SYT1: variants seen among roughly 807,000 people sequenced by gnomAD.
SYT1 encodes the protein synaptotagmin-1.
In SYT1, 8 loss-of-function variants were observed where a neutral mutation model predicts 44.8. The ratio of observed to expected loss-of-function variants is 0.18; its 90% CI spans 0.10 to 0.32. The LOEUF (loss-of-function observed/expected upper bound fraction) is 0.32. Ranked by LOEUF, SYT1 falls within the 10% of genes least tolerant of loss-of-function variation. The pLI is 1.00. For missense variants in SYT1, 286 were observed against 509.3 expected (o/e 0.56, Z 4.22); for synonymous variants, 154 against 188.8 (o/e 0.82, Z 1.51).
At chr12:79,134,361 C>T (rs776920086) in intron 3 of SYT1, among the ~76,000 whole-genome samples, 1 of 152,118 alleles carries the variant, frequency 6.6e-6, no homozygotes, top group Non-Finnish European at 1.5e-5. Context: ...ATCAAAATTA[C>T]AAGGTAAAAG....
chr12:79,237,779 T>C (rs1876273977), intron 4 of SYT1, among the ~76,000 whole-genome samples: 1 of 152,194 alleles, frequency 6.6e-6, no homozygotes, highest in Admixed American at 6.5e-5. Flanking sequence ...ATTTTCCGAG[T>C]GCTTAGTACA....
At chr12:79,185,701 A>G (rs1872763098) in intron 3 of SYT1, among the ~76,000 whole-genome samples, 1 of 152,094 alleles carries the variant, frequency 6.6e-6, no homozygotes, top group South Asian at 2.1e-4. Flanking sequence ...TAGTATGTAT[A>G]TAGAAGTGAC....
At chr12:79,398,940 A>C (rs1328560010) in intron 9 of SYT1, among the ~76,000 whole-genome samples, 1 of 152,192 alleles carries the variant, frequency 6.6e-6, no homozygotes, top group East Asian at 1.9e-4. Flanking sequence ...CCCTGCTCCA[A>C]GTCACTGTCC....
intron 3 of SYT1, among the ~76,000 whole-genome samples, chr12:79,169,420 A>G (rs1014579078): frequency 6.6e-6 from 1 of 151,812 alleles, no homozygotes; most frequent in Non-Finnish European, 1.5e-5. Context: ...TTAGGCAGGG[A>G]AAAAAGAAAT....
chr12:78,995,181 G>A (rs1012259794), intron 2 of SYT1, among the ~76,000 whole-genome samples: 4 of 152,138 alleles, frequency 2.6e-5, no homozygotes, highest in Non-Finnish European at 4.4e-5. Flanking sequence ...TGAAGCCTGA[G>A]AACCACTAAT....
intron 2 of SYT1, among the ~76,000 whole-genome samples, chr12:79,039,256 C>T (rs1873350536): frequency 6.6e-6 from 1 of 152,042 alleles, no homozygotes. Flanking sequence ...GCTTTACCAA[C>T]TATGAATGTA....
intron 8 of SYT1, among the ~76,000 whole-genome samples, chr12:79,316,297 T>A (rs1359587868): frequency 6.6e-6 from 1 of 152,214 alleles, no homozygotes; most frequent in Non-Finnish European, 1.5e-5. Flanking sequence ...CAGCTCAAGA[T>A]GATGTTTATG....
chr12:79,276,870 G>A (rs1022042843), intron 4 of SYT1, among the ~76,000 whole-genome samples: 1 of 151,088 alleles, frequency 6.6e-6, no homozygotes, highest in Non-Finnish European at 1.5e-5. Context: ...TCCAAGAAAT[G>A]TGGCATTACA....
chr12:79,266,957 T>C (rs1448979767), intron 4 of SYT1, among the ~76,000 whole-genome samples: 1 of 152,192 alleles, frequency 6.6e-6, no homozygotes, highest in African/African-American at 2.4e-5. Flanking sequence ...CTTTCATGAC[T>C]GTAAAGACTC....
rs561661376 is a variant in SYT1, at chr12:79,397,896, A to G, written c.928+44277A>G. 8.5e-5 allele frequency among the ~76,000 whole-genome samples: 13 copies of G among 152,310 alleles called. No homozygotes were observed. The South Asian group carries it at 1.9e-3, about 22-fold the overall frequency. ...CTCTCCACTATCCACTGTAAATTCC[A>G]TATCACTATGCAGAACTGAGGTTCC... On this transcript the variant is annotated intron_variant, in intron 9 of 10. Transcript: ENST00000261205.
chr12:79,295,248 C>T (rs1366466416), intron 6 of SYT1, among the ~76,000 whole-genome samples: 1 of 152,092 alleles, frequency 6.6e-6, no homozygotes, highest in East Asian at 1.9e-4. Context: ...TCTACTCACA[C>T]CTCTTTTTTT....
chr12:79,279,765 C>T (rs1327872263), intron 4 of SYT1, among the ~76,000 whole-genome samples: 1 of 151,938 alleles, frequency 6.6e-6, no homozygotes, highest in African/African-American at 2.4e-5. Context: ...CCCAAAGACT[C>T]CTAGATTTGA....
At chr12:79,125,518 G>T (rs1868382096) in intron 3 of SYT1, among the ~76,000 whole-genome samples, 1 of 150,790 alleles carries the variant, frequency 6.6e-6, no homozygotes, top group African/African-American at 2.4e-5. Context: ...ATGGGAGGTG[G>T]CTGAGGTGGG....
chr12:79,346,253 A>G (rs1446087892), intron 8 of SYT1, among the ~76,000 whole-genome samples: 2 of 152,178 alleles, frequency 1.3e-5, no homozygotes, highest in African/African-American at 4.8e-5. Context: ...AATGCTTTTC[A>G]AAAAGGAAAG....
At chr12:78,867,697 T>C (rs535721552) in intron 1 of SYT1, among the ~76,000 whole-genome samples, 108 of 152,100 alleles carry the variant, frequency 7.1e-4, no homozygotes, top group African/African-American at 2.1e-3. Flanking sequence ...ACCACATGAT[T>C]GAGAGTTGTT....
chr12:78,905,880 T>C (rs552293083), intron 1 of SYT1, among the ~76,000 whole-genome samples: 10 of 152,210 alleles, frequency 6.6e-5, no homozygotes, highest in African/African-American at 2.4e-4. Flanking sequence ...TCTAATTATA[T>C]GTGCTGCAGC....
At chr12:78,947,893 C>T (rs1878756590) in intron 1 of SYT1, among the ~76,000 whole-genome samples, 1 of 151,338 alleles carries the variant, frequency 6.6e-6, no homozygotes, top group Admixed American at 6.6e-5. Flanking sequence ...TCTCTTAAAA[C>T]ATTTTAATAA....
chr12:78,960,045 T>C (rs1228719968), intron 1 of SYT1, among the ~76,000 whole-genome samples: 1 of 152,210 alleles, frequency 6.6e-6, no homozygotes, highest in Non-Finnish European at 1.5e-5. Context: ...CCAAAATTTA[T>C]ATATTTTTAA....
At chr12:78,911,795 C>T (rs1430518292) in intron 1 of SYT1, among the ~76,000 whole-genome samples, 1 of 151,880 alleles carries the variant, frequency 6.6e-6, no homozygotes, top group South Asian at 2.1e-4. Context: ...GACTTAAATG[C>T]TGGGGAAACA....
Sources: gnomAD v4.1 joint callset for allele counts (sites outside exome capture counted in the v4.1 genomes callset) on GRCh38, gnomAD v4.1.1 for gene constraint, MANE v1.5 for transcripts, NCBI Gene and HGNC (gene_info 2026-07-23, HGNC 2026-07-21) for gene names.